The following FNDC3A variants were observed in gnomAD, a reference collection of about 807,000 sequenced individuals.
FNDC3A encodes the protein fibronectin type-III domain-containing protein 3A.
FNDC3A carries 32 observed loss-of-function variants against 148.9 expected under a neutral mutation model. The ratio of observed to expected loss-of-function variants is 0.21; its 90% CI spans 0.16 to 0.29. FNDC3A has a LOEUF of 0.29. Among genes scored for constraint, FNDC3A ranks in the 10% least tolerant of loss-of-function variants. FNDC3A has a pLI of 1.00. For synonymous variants in FNDC3A, 472 were observed against 473.6 expected, an observed-to-expected ratio of 1.00 and a Z score of 0.04; for missense variants, 1,191 against 1,452.8, an observed-to-expected ratio of 0.82 and a Z score of 2.93.
chr13:49,161,269 G>A (rs1884095565), intron 8 of FNDC3A, among the ~76,000 whole-genome samples: 1 of 152,102 alleles, frequency 6.6e-6, no homozygotes, highest in African/African-American at 2.4e-5. Context: ...CTCTTTGTAG[G>A]TCTCTAAGGA....
Position 49,209,374 on chromosome 13 carries a change from A to T in FNDC3A, c.*1979A>T, listed in dbSNP as rs1566334567. The T allele has an allele frequency of 6.6e-6, 1 of 152,664 alleles. No individual in the cohort carries two copies. Among genetic ancestry groups the T allele is most frequent in the Non-Finnish European group, 1.5e-5 (1 of 68,038 alleles). The allele number at this position is 152,664 out of a possible 1,614,324, so 9.5% of individuals were successfully genotyped here. On this transcript the variant is annotated 3_prime_UTR_variant, in exon 26 of 26. Transcript: ENST00000492622. ...GCAAAATTAGTGCAGAGGAGAAAAC[A>T]ATTTTTAATGTAATCTTGATTTTAC...
chr13:49,096,972 A>T (rs1879565561), intron 3 of FNDC3A, among the ~76,000 whole-genome samples: 1 of 152,148 alleles, frequency 6.6e-6, no homozygotes, highest in Non-Finnish European at 1.5e-5. Context: ...GCACACACAG[A>T]TTAGAGGAAA....
intron 2 of FNDC3A, among the ~76,000 whole-genome samples, chr13:49,024,508 A>G (rs1451627362): frequency 6.6e-6 from 1 of 152,004 alleles, no homozygotes; most frequent in Non-Finnish European, 1.5e-5. Context: ...GAATCCAACA[A>G]TTCATCAAAA....
At chr13:49,164,970 T>C (rs993141651) in intron 8 of FNDC3A, among the ~76,000 whole-genome samples, 1 of 152,232 alleles carries the variant, frequency 6.6e-6, no homozygotes, top group Non-Finnish European at 1.5e-5. Context: ...TTTGAATGTG[T>C]TTTGTATTCC....
chr13:49,012,199 T>C (rs969623587), intron 2 of FNDC3A, among the ~76,000 whole-genome samples: 48 of 151,982 alleles, frequency 3.2e-4, no homozygotes, highest in Admixed American at 2.0e-4. Flanking sequence ...TGCTGCAAGC[T>C]CCGCCATGGG....
chr13:49,002,491 G>A (rs1028060898), intron 1 of FNDC3A, among the ~76,000 whole-genome samples: 1 of 152,076 alleles, frequency 6.6e-6, no homozygotes, highest in African/African-American at 2.4e-5. Flanking sequence ...TATATAATCA[G>A]TATACAGCTT....
intron 8 of FNDC3A, among the ~76,000 whole-genome samples, chr13:49,161,701 C>T (rs183996800): frequency 2.0e-5 from 3 of 152,234 alleles, no homozygotes; most frequent in East Asian, 1.9e-4. Flanking sequence ...TTCCTAGCAT[C>T]GATGATGTTT....
chr13:48,991,538 AT>A (rs1951917350), intron 1 of FNDC3A, among the ~76,000 whole-genome samples: 1 of 152,036 alleles, frequency 6.6e-6, no homozygotes, highest in South Asian at 2.1e-4. Flanking sequence ...AAATACAAAA[AT>A]TAGCTGGGTG....
intron 1 of FNDC3A, among the ~76,000 whole-genome samples, chr13:48,983,237 T>G (rs975530171): frequency 4.6e-5 from 7 of 152,224 alleles, no homozygotes; most frequent in Non-Finnish European, 1.0e-4. Context: ...GTGTGAGTCC[T>G]TCCTGTCTTT....
At chr13:49,118,359 G>A (rs916800050) in intron 4 of FNDC3A, among the ~76,000 whole-genome samples, 8 of 152,290 alleles carry the variant, frequency 5.3e-5, no homozygotes, top group East Asian at 1.9e-4. Context: ...TTCGCAACCC[G>A]CAGACCAGGA....
intron 3 of FNDC3A, among the ~76,000 whole-genome samples, chr13:49,077,500 C>G (rs1593557612): frequency 6.6e-6 from 1 of 152,198 alleles, no homozygotes; most frequent in Non-Finnish European, 1.5e-5. Flanking sequence ...GAGAAGTAAT[C>G]AGCTCAGTAA....
chr13:49,202,581 A>G (rs892014854), intron 24 of FNDC3A, among the ~76,000 whole-genome samples: 2 of 152,228 alleles, frequency 1.3e-5, no homozygotes, highest in East Asian at 3.8e-4. Context: ...ATCCTAGATC[A>G]TGTACTTAAA....
chr13:48,999,415 A>G (rs1485549456), intron 1 of FNDC3A, among the ~76,000 whole-genome samples: 1 of 152,164 alleles, frequency 6.6e-6, no homozygotes, highest in Non-Finnish European at 1.5e-5. Context: ...CAAATACATA[A>G]CATATCTGGT....
At chr13:49,071,959 G>A (rs2137769695) in intron 2 of FNDC3A, among the ~76,000 whole-genome samples, 1 of 152,214 alleles carries the variant, frequency 6.6e-6, no homozygotes, top group East Asian at 1.9e-4. Flanking sequence ...TTATAGGTGT[G>A]AGCTACCATG....
At chr13:49,191,701 A>G (rs144967094) in intron 19 of FNDC3A, among the ~76,000 whole-genome samples, 2 of 152,340 alleles carry the variant, frequency 1.3e-5, no homozygotes, top group African/African-American at 4.8e-5. Context: ...AATCATAAGT[A>G]CTGAAGTTTT....
chr13:49,002,661 G>A (rs1268606852), intron 1 of FNDC3A, among the ~76,000 whole-genome samples: 1 of 151,964 alleles, frequency 6.6e-6, no homozygotes, highest in East Asian at 1.9e-4. Context: ...CCATAAATTG[G>A]TTTTATCTGT....
intron 2 of FNDC3A, among the ~76,000 whole-genome samples, chr13:49,010,695 G>A (rs1952322016): frequency 6.6e-6 from 1 of 152,104 alleles, no homozygotes; most frequent in African/African-American, 2.4e-5. Flanking sequence ...GCCACACTAA[G>A]AGATATAATA....
At chr13:49,073,001 A>G (rs1157088214) in intron 2 of FNDC3A, among the ~76,000 whole-genome samples, 1 of 152,166 alleles carries the variant, frequency 6.6e-6, no homozygotes, top group Non-Finnish European at 1.5e-5. Flanking sequence ...AAGCCTTTGA[A>G]ATCCAGTGTT....
At chr13:49,011,789 C>T (rs980442705) in intron 2 of FNDC3A, among the ~76,000 whole-genome samples, 1 of 151,746 alleles carries the variant, frequency 6.6e-6, no homozygotes, top group South Asian at 2.1e-4. Context: ...AGAGCAAGAC[C>T]GTGTCTCAAA....
Sources: gnomAD v4.1 joint callset for allele counts (sites outside exome capture counted in the v4.1 genomes callset) on GRCh38, gnomAD v4.1.1 for gene constraint, MANE v1.5 for transcripts, NCBI Gene and HGNC (gene_info 2026-07-23, HGNC 2026-07-21) for gene names.